Variants in MAD1L1 observed in about 807,000 individuals in gnomAD.
MAD1L1 encodes the protein mitotic spindle assembly checkpoint protein MAD1.
Under a neutral mutation model 96.9 loss-of-function variants are expected in MAD1L1, and 95 were observed. That is an observed-to-expected ratio of 0.98 (90% CI 0.83 to 1.16). The LOEUF is 1.16. Ranked by LOEUF, MAD1L1 falls within the 50% of genes most tolerant of loss-of-function variation. The pLI is 0.00. For synonymous variants in MAD1L1, 473 were observed against 396.6 expected (o/e 1.19, Z -2.29); for missense variants, 1,007 against 954.4 (o/e 1.06, Z -0.73).
chr7:1,870,090 T>G (rs1163331251), intron 18 of MAD1L1, among the ~76,000 whole-genome samples: 2 of 149,528 alleles, frequency 1.3e-5, no homozygotes, highest in South Asian at 4.4e-4. Flanking sequence ...ACAGGGAGAG[T>G]GACTGACCCC....
At chr7:2,037,207 CTTT>C (rs11332091) in intron 12 of MAD1L1, among the ~76,000 whole-genome samples, 3 of 133,116 alleles carry the variant, frequency 2.3e-5, no homozygotes, top group Admixed American at 7.5e-5. Flanking sequence ...ATAGACTCTT[CTTT>C]TTTTTTTTTT....
chr7:2,076,241 A>C (rs1049754019), intron 11 of MAD1L1, among the ~76,000 whole-genome samples: 2 of 152,272 alleles, frequency 1.3e-5, no homozygotes, highest in South Asian at 4.1e-4. Context: ...TCCCAAGTTC[A>C]CCTGTGAAAA....
intron 18 of MAD1L1, among the ~76,000 whole-genome samples, chr7:1,870,158 G>C (rs368497812): frequency 6.6e-6 from 1 of 152,056 alleles, no homozygotes; most frequent in Admixed American, 6.6e-5. Flanking sequence ...GGCAGCTCAC[G>C]ATGTGTCACA....
At chr7:1,864,830 G>A (rs1218794857) in intron 18 of MAD1L1, among the ~76,000 whole-genome samples, 1 of 152,128 alleles carries the variant, frequency 6.6e-6, no homozygotes, top group Non-Finnish European at 1.5e-5. Context: ...CGTACTCTCT[G>A]CACACAACAG....
At chr7:2,172,442 G>A (rs139891361) in intron 10 of MAD1L1, among the ~76,000 whole-genome samples, 127 of 152,296 alleles carry the variant, frequency 8.3e-4, no homozygotes, top group Non-Finnish European at 1.5e-3. Context: ...TCACGGTGCC[G>A]CTGCGAAAGG....
intron 9 of MAD1L1, among the ~76,000 whole-genome samples, chr7:2,214,990 G>A (rs1793184913): frequency 6.6e-6 from 1 of 152,182 alleles, no homozygotes; most frequent in Non-Finnish European, 1.5e-5. Flanking sequence ...TCAGCACTTT[G>A]GGAGGCAAAG....
chr7:1,852,316 T>A (rs1390991094), intron 18 of MAD1L1, among the ~76,000 whole-genome samples: 1 of 152,198 alleles, frequency 6.6e-6, no homozygotes, highest in African/African-American at 2.4e-5. Context: ...GCTGTGGAGC[T>A]CACTGGGTTT....
intron 12 of MAD1L1, among the ~76,000 whole-genome samples, chr7:2,035,274 G>A (rs1322488316): frequency 4.3e-5 from 6 of 138,762 alleles, no homozygotes; most frequent in African/African-American, 1.6e-4. Context: ...CTGACAAGTC[G>A]GGACAGAGCT....
chr7:1,983,154 GCACACACACACACACACA>G (rs976027470), intron 14 of MAD1L1, among the ~76,000 whole-genome samples: 10 of 31,492 alleles, frequency 3.2e-4, no homozygotes, highest in African/African-American at 1.3e-3. Context: ...GCGCGCGCGC[GCACACACACACACACACA>G]CACACACACA....
At chr7:2,062,968 A>G (rs989947759) in intron 12 of MAD1L1, among the ~76,000 whole-genome samples, 15 of 152,224 alleles carry the variant, frequency 9.9e-5, no homozygotes, top group Admixed American at 6.5e-4. Context: ...GCGTGGCTCT[A>G]TGTACAGAAA....
intron 18 of MAD1L1, among the ~76,000 whole-genome samples, chr7:1,822,102 A>T (rs1271583293): frequency 6.6e-6 from 1 of 152,170 alleles, no homozygotes; most frequent in East Asian, 1.9e-4. Flanking sequence ...CTCCTGGAAC[A>T]CTAAGTGAGT....
At chr7:1,986,234 A>G (rs533662929) in intron 14 of MAD1L1, among the ~76,000 whole-genome samples, 8 of 152,270 alleles carry the variant, frequency 5.3e-5, no homozygotes, top group African/African-American at 1.9e-4. Context: ...CCTAAGAGCA[A>G]ATGTTCTGTC....
At chr7:1,955,876 G>A (rs1259520890) in intron 16 of MAD1L1, among the ~76,000 whole-genome samples, 1 of 151,930 alleles carries the variant, frequency 6.6e-6, no homozygotes, top group Non-Finnish European at 1.5e-5. Flanking sequence ...TGTGACCTAA[G>A]TAGCTGGGCA....
intron 10 of MAD1L1, among the ~76,000 whole-genome samples, chr7:2,194,450 G>C (rs186027405): frequency 6.6e-6 from 1 of 152,264 alleles, no homozygotes; most frequent in East Asian, 1.9e-4. Context: ...ATCAGTGACA[G>C]TCCTGTTTCA....
At chr7:1,979,593 C>T (rs921369368) in intron 15 of MAD1L1, among the ~76,000 whole-genome samples, 1 of 152,224 alleles carries the variant, frequency 6.6e-6, no homozygotes, top group African/African-American at 2.4e-5. Context: ...GTCCACAAGG[C>T]GGGGGAGAGG....
At chr7:2,136,258 G>A (rs943548355) in intron 11 of MAD1L1, among the ~76,000 whole-genome samples, 7 of 152,300 alleles carry the variant, frequency 4.6e-5, no homozygotes, top group Non-Finnish European at 8.8e-5. Flanking sequence ...AAAAAGCATC[G>A]CCCTGATGAG....
intron 11 of MAD1L1, among the ~76,000 whole-genome samples, chr7:2,070,315 A>G (rs1261067783): frequency 6.6e-6 from 1 of 152,210 alleles, no homozygotes; most frequent in Non-Finnish European, 1.5e-5. Context: ...GGCTCCCAGG[A>G]AGGGCACAGT....
At chr7:2,076,264 A>G (rs1785369592) in intron 11 of MAD1L1, among the ~76,000 whole-genome samples, 1 of 152,292 alleles carries the variant, frequency 6.6e-6, no homozygotes, top group Middle Eastern at 3.4e-3. Context: ...CAGATCCCCA[A>G]TGTGATGGTG....
intron 12 of MAD1L1, among the ~76,000 whole-genome samples, chr7:2,051,556 G>A (rs1033800873): frequency 6.6e-6 from 1 of 152,104 alleles, no homozygotes; most frequent in Non-Finnish European, 1.5e-5. Flanking sequence ...ATGCAGAAAA[G>A]CCCAGGAACG....
Sources: gnomAD v4.1 joint callset for allele counts (sites outside exome capture counted in the v4.1 genomes callset) on GRCh38, gnomAD v4.1.1 for gene constraint, MANE v1.5 for transcripts, NCBI Gene and HGNC (gene_info 2026-07-23, HGNC 2026-07-21) for gene names.